Variants in PPP1R14B observed in about 807,000 individuals in gnomAD.
The protein encoded by PPP1R14B is protein phosphatase 1 regulatory inhibitor subunit 14B, also known as protein phosphatase 1 regulatory subunit 14B.
A neutral mutation model predicts 14.7 loss-of-function variants in PPP1R14B; 4 were observed. That is an observed-to-expected ratio of 0.27 (90% confidence interval 0.13 to 0.62). The LOEUF is 0.62. PPP1R14B is among the 20% of genes least tolerant of loss of function. The pLI is 0.85. For synonymous variants in PPP1R14B, 76 were observed against 87.3 expected, an observed-to-expected ratio of 0.87 and a Z score of 0.72; for missense variants, 138 against 201.5, an observed-to-expected ratio of 0.68 and a Z score of 1.91.
rs760204718 is a variant in PPP1R14B, at chr11:64,246,576, G to A, written c.98C>T (p.Pro33Leu). 2.5e-4 allele frequency: 394 copies of A among 1,602,398 alleles called. No homozygotes were observed. Among genetic ancestry groups the A allele is most frequent in the Non-Finnish European group, 3.2e-4 (382 of 1,176,132 alleles). ...CGGGCCCTCTCCTGCGGCCCCGGGGGGGCTCTGAAAGTAGACGCGTGGTCC... is the reference window on the plus strand; with the variant it reads ...CGGGCCCTCTCCTGCGGCCCCGGGGAGGCTCTGAAAGTAGACGCGTGGTCC... ...GPGPRVYFQS[P>L]PGAAGEGPGG... The change falls in exon 1 of 4, where the codon CCC (proline) becomes CTC (leucine). Residue 33 changes from proline (P) to leucine (L), a missense_variant. By Grantham distance (98) the Pro-to-Leu change is moderately conservative. Around this residue, in one of 3 missense-constraint regions of PPP1R14B, gnomAD observed 32 missense variants for 18.1 expected, o/e 1.77. Transcript: ENST00000309318.
In PPP1R14B at chr11:64,244,825, G is replaced by T; in HGVS notation, c.376-3C>A. 1 of 1,614,130 alleles carries T rather than the reference G, an allele frequency of 6.2e-7. No homozygotes were observed. Among genetic ancestry groups the T allele is most frequent in the Non-Finnish European group, 8.5e-7 (1 of 1,179,994 alleles). ...TCCAGCAGGCCAGAAATGAAGGCCT[G>T]GATGGGGTGGGAGGGTAAACATTAA... On this transcript the variant is annotated splice_region_variant and splice_polypyrimidine_tract_variant and intron_variant, in intron 3 of 3. Coordinates refer to ENST00000309318, the MANE Select transcript of PPP1R14B (RefSeq NM_138689.3).
intron 1 of PPP1R14B, 150 bp from the exon 2 acceptor site, chr11:64,245,437 C>T: frequency 3.2e-6 from 2 of 633,468 alleles, no homozygotes; most frequent in South Asian, 2.1e-5. Flanking sequence ...GGGAGGAAAA[C>T]AGATCAGGCC....
At chr11:64,245,627 A>G in intron 1 of PPP1R14B, 1 of 281,674 alleles carries the variant, frequency 3.6e-6, no homozygotes, top group East Asian at 7.2e-5. Context: ...CGGTGGGTGC[A>G]GCTGTCCCAG....
intron 2 of PPP1R14B, 62 bp downstream of exon 2, chr11:64,245,142 T>A: frequency 6.4e-7 from 1 of 1,569,970 alleles, no homozygotes; most frequent in Non-Finnish European, 8.7e-7. Context: ...AGGGCCTGGC[T>A]CCACAGCCTC....
chr11:64,245,394 C>G, intron 1 of PPP1R14B, 107 bp from the exon 2 acceptor site: 2 of 888,876 alleles, frequency 2.3e-6, no homozygotes, highest in East Asian at 2.6e-5. Flanking sequence ...GAACCCAGCC[C>G]TCTGCCCAGC....
Position 64,244,791 on chromosome 11 carries a change from C to A in PPP1R14B, c.407G>T (p.Arg136Leu). ...GGGTGTGCTCAGCTTCTGCATGCCC[C>A]GGATCTTGTCCAGCAGGCCAGAAAT... is the stretch of plus-strand genomic sequence containing the variant. ...AFISGLLDKI[R>L]GMQKLSTPQK... The change falls in exon 4 of 4, where the codon CGG (arginine) becomes CTG (leucine). Residue 136 changes from arginine (R) to leucine (L), a missense_variant. Physicochemically the swap from Arg to Leu is moderately radical, Grantham distance 102. Around this residue, in one of 3 missense-constraint regions of PPP1R14B, gnomAD observed 84 missense variants for 137.5 expected, o/e 0.61. Transcript: ENST00000309318. 6.2e-7 allele frequency: 1 copy of A among 1,614,050 alleles called. No homozygotes were observed. Among genetic ancestry groups the A allele is most frequent in the Non-Finnish European group, 8.5e-7 (1 of 1,179,996 alleles).
chr11:64,246,232 A>G lies in PPP1R14B; in HGVS notation c.258+184T>C, dbSNP rs1054874521. On this transcript the variant is annotated intron_variant, in intron 1 of 3. Coordinates refer to ENST00000309318, the MANE Select transcript of PPP1R14B (RefSeq NM_138689.3). ...GGGGCAGGGTCCGAGGCAACGGAGA[A>G]GGCAGAAGTGACTTAGGTCAGGCAA... 7 of 779,448 alleles carry G rather than the reference A, an allele frequency of 9.0e-6. No individual in the cohort carries two copies. The African/African-American group carries it at 1.1e-4, about 12-fold the overall frequency. 48.3% of individuals were successfully genotyped at this position (779,448 alleles called of 1,614,324 possible).
chr11:64,246,405 T>A lies in PPP1R14B; in HGVS notation c.258+11A>T, dbSNP rs375211150. On this transcript the variant is annotated intron_variant, in intron 1 of 3. Transcript: ENST00000309318. ...CCGATTTTGGGGTGTCGGCGCGGGGTGGGAACACACCTGGCAGTCGTAGAG... is the reference window on the plus strand; with the variant it reads ...CCGATTTTGGGGTGTCGGCGCGGGGAGGGAACACACCTGGCAGTCGTAGAG... The A allele has an allele frequency of 4.5e-5, 72 of 1,601,976 alleles. 1 individual carries two copies. In the African/African-American group the frequency reaches 9.0e-4, roughly 20 times the overall value.
chr11:64,245,138 T>C, intron 2 of PPP1R14B, 66 bp downstream of exon 2: 2 of 1,560,026 alleles, frequency 1.3e-6, no homozygotes, highest in Non-Finnish European at 8.8e-7. Context: ...CTTGAGGGCC[T>C]GGCTCCACAG....
intron 1 of PPP1R14B, chr11:64,246,214 G>A (rs1327801099): frequency 1.5e-6 from 1 of 664,596 alleles, no homozygotes; most frequent in East Asian, 3.0e-5. Context: ...TGGGGGGCAG[G>A]GTCCGAGGCA....
chr11:64,246,322 C>CTT, intron 1 of PPP1R14B, 94 bp downstream of exon 1: 1 of 1,508,234 alleles, frequency 6.6e-7, no homozygotes, highest in Non-Finnish European at 8.9e-7. Flanking sequence ...GCAAAGCGCC[C>CTT]TTTGACTCCA....
chr11:64,246,350 A>G, intron 1 of PPP1R14B, 66 bp downstream of exon 1: 1 of 1,546,386 alleles, frequency 6.5e-7, no homozygotes, highest in Non-Finnish European at 8.7e-7. Context: ...GCGAGCTCAC[A>G]GTGGAGCTGC....
rs906332646 is a variant in PPP1R14B at position 64,245,484 on chromosome 11, G to A, written c.259-197C>T. ...AAACTGCCCAAAGCGGGGTGGGGGG[G>A]GGAGCTTCCTGTCCCTGCCAGTGGG... On this transcript the variant is annotated intron_variant, in intron 1 of 3. Coordinates refer to ENST00000309318, the MANE Select transcript of PPP1R14B (RefSeq NM_138689.3). The A allele has an allele frequency of 6.7e-4, 327 of 486,762 alleles. 15 individuals carry two copies. The highest frequency in any genetic ancestry group is 8.1e-4 in the Non-Finnish European group (223 of 276,220). 30.2% of individuals were successfully genotyped at this position (486,762 alleles called of 1,614,324 possible). A position where few individuals can be genotyped will look rare whatever the true frequency, so the allele number is the denominator to read the frequency against.
chr11:64,245,456 G>A (rs2030839918), intron 1 of PPP1R14B, 169 bp from the exon 2 acceptor site: 2 of 461,474 alleles, frequency 4.3e-6, no homozygotes, highest in Admixed American at 8.6e-5. Flanking sequence ...CCCGTGCCAA[G>A]GCAAACTGCC....
Position 64,246,480 on chromosome 11 carries a change from A to C in PPP1R14B, c.194T>G (p.Leu65Arg). The change falls in exon 1 of 4, where the codon CTA (leucine) becomes CGA (arginine). Residue 65 changes from leucine (L) to arginine (R), a missense_variant. Physicochemically the swap from Leu to Arg is moderately radical, Grantham distance 102. This residue lies in a region of PPP1R14B where 84 missense variants were observed against 137.5 expected (regional missense o/e 0.61). Transcript: ENST00000309318. ...CTCCTCTAGGTTGAGGCGCTTCCGT[A>C]GCTCCTTGCGGTCATACTTGACGGT... ...KVTVKYDRKE[L>R]RKRLNLEEWI... The C allele has an allele frequency of 6.2e-7, 1 of 1,610,138 alleles. No homozygotes were observed. Among genetic ancestry groups the C allele is most frequent in the Non-Finnish European group, 8.5e-7 (1 of 1,179,204 alleles).
rs57467371 is a variant in PPP1R14B, at chr11:64,245,477, TGG to T, written c.259-192_259-191del. 5.8e-4 allele frequency: 191 copies of T among 327,994 alleles called. 2 individuals are homozygous for T. Among genetic ancestry groups the T allele is most frequent in the South Asian group, 3.8e-3 (90 of 23,400 alleles). The allele number at this position is 327,994 out of a possible 1,614,324, so 20.3% of individuals were successfully genotyped here. A position where few individuals can be genotyped will look rare whatever the true frequency, so the allele number is the denominator to read the frequency against. On this transcript the variant is annotated intron_variant, in intron 1 of 3. Coordinates refer to ENST00000309318, the MANE Select transcript of PPP1R14B (RefSeq NM_138689.3). ...CCAAGGCAAACTGCCCAAAGCGGGG[TGG>T]GGGGGGGAGCTTCCTGTCCCTGCCA... is the stretch of plus-strand genomic sequence containing the variant.
chr11:64,245,188 C>T lies in PPP1R14B; in HGVS notation c.342+16G>A, dbSNP rs544165475. On this transcript the variant is annotated intron_variant, in intron 2 of 3. Transcript: ENST00000309318. ...GGCAGTGCCTCAGGCAACCCATCGC[C>T]CCCCAGCCCCCTCACCTTGACCCTG... 10 of 1,611,454 alleles carry T rather than the reference C, an allele frequency of 6.2e-6. No individual in the cohort carries two copies. In the Admixed American group the frequency reaches 6.7e-5, roughly 11 times the overall value.
intron 1 of PPP1R14B, 27 bp from the exon 2 acceptor site, chr11:64,245,314 G>T (rs768887845): frequency 3.1e-6 from 5 of 1,588,554 alleles, no homozygotes; most frequent in Non-Finnish European, 4.3e-6. Flanking sequence ...GGAGGAGGGA[G>T]AGACATAAGC....
At chr11:64,245,706 G>A (rs986715511) in intron 1 of PPP1R14B, 7 of 181,988 alleles carry the variant, frequency 3.8e-5, no homozygotes, top group Middle Eastern at 2.3e-3. Context: ...GGAAGTGAAG[G>A]CTGAGGGGTC....
Sources: allele counts gnomAD v4.1 joint callset, GRCh38; gene constraint gnomAD v4.1.1; regional missense constraint gnomAD v4.1.1; transcripts MANE v1.5; gene names NCBI Gene and HGNC (gene_info 2026-07-23, HGNC 2026-07-21).